Variants in KDM4C observed in about 807,000 individuals in gnomAD.
The protein encoded by KDM4C is lysine-specific demethylase 4C.
KDM4C carries 81 observed loss-of-function variants against 129.3 expected under a neutral mutation model. The observed-to-expected ratio is 0.63, with a 90% CI of 0.52 to 0.75. The LOEUF is 0.75. Ranked by LOEUF, KDM4C falls within the 30% of genes least tolerant of loss-of-function variation. The pLI is 0.00. For missense variants in KDM4C, 1,457 were observed against 1,304.0 expected (o/e 1.12, Z -1.81); for synonymous variants, 573 against 456.1 (o/e 1.26, Z -3.26).
At chr9:6,901,915 A>G (rs1817477156) in intron 8 of KDM4C, among the ~76,000 whole-genome samples, 1 of 152,204 alleles carries the variant, frequency 6.6e-6, no homozygotes, top group Non-Finnish European at 1.5e-5. Context: ...TCTGTGGAAC[A>G]TTATAAGTAT....
chr9:6,868,645 C>A (rs10975865), intron 5 of KDM4C, among the ~76,000 whole-genome samples: 29,464 of 151,872 alleles, frequency 0.19, 3,514 homozygotes, highest in Middle Eastern at 0.37. Flanking sequence ...TTAGGGAATA[C>A]TGACCAGAGA....
intron 1 of KDM4C, among the ~76,000 whole-genome samples, chr9:6,765,853 A>T (rs759352852): frequency 2.6e-5 from 4 of 151,234 alleles, no homozygotes; most frequent in African/African-American, 4.9e-5. Flanking sequence ...CAGTGGTGTG[A>T]TCTCGGCTCA....
At chr9:7,020,464 TTTGA>T (rs1433305781) in intron 15 of KDM4C, among the ~76,000 whole-genome samples, 3 of 152,356 alleles carry the variant, frequency 2.0e-5, no homozygotes, top group Admixed American at 2.0e-4. Context: ...TTCAGCTCTG[TTTGA>T]TTGAAACCCT....
chr9:6,904,136 G>T (rs1284349575), intron 8 of KDM4C, among the ~76,000 whole-genome samples: 3 of 152,064 alleles, frequency 2.0e-5, no homozygotes, highest in Non-Finnish European at 4.4e-5. Flanking sequence ...CTACTTGGGA[G>T]GCTGAGGCAG....
intron 8 of KDM4C, among the ~76,000 whole-genome samples, chr9:6,913,285 A>G (rs551625169): frequency 1.3e-4 from 20 of 152,056 alleles, no homozygotes; most frequent in Non-Finnish European, 2.5e-4. Context: ...AATGTTTCCT[A>G]GTATTAAAAT....
upstream of KDM4C, chr9:6,757,605 C>T (rs1005771198): frequency 4.1e-6 from 4 of 984,152 alleles, no homozygotes; most frequent in Admixed American, 6.1e-5. Flanking sequence ...GGCTCCACCC[C>T]GGTAACGCCA....
chr9:7,114,644 A>G (rs761624618), intron 18 of KDM4C, among the ~76,000 whole-genome samples: 1 of 152,310 alleles, frequency 6.6e-6, no homozygotes, highest in East Asian at 1.9e-4. Flanking sequence ...ATTTTGGTGT[A>G]GGTGTTTGGT....
At chr9:7,056,425 T>C (rs1364811612) in intron 17 of KDM4C, among the ~76,000 whole-genome samples, 6 of 152,272 alleles carry the variant, frequency 3.9e-5, no homozygotes, top group African/African-American at 1.4e-4. Flanking sequence ...CTAGATCCTA[T>C]TGCAAGCTGT....
intron 19 of KDM4C, among the ~76,000 whole-genome samples, chr9:7,129,968 G>A (rs921624247): frequency 5.3e-5 from 8 of 152,140 alleles, no homozygotes; most frequent in African/African-American, 1.7e-4. Context: ...CATGTAATCC[G>A]TCTCTAGAAC....
chr9:7,154,245 G>C (rs544656021), intron 19 of KDM4C, among the ~76,000 whole-genome samples: 15 of 152,300 alleles, frequency 9.8e-5, no homozygotes, highest in South Asian at 6.2e-4. Flanking sequence ...TCCCTGCCAG[G>C]GTCCAGTAAT....
At chr9:6,921,075 T>G (rs552537077) in intron 8 of KDM4C, among the ~76,000 whole-genome samples, 1 of 152,330 alleles carries the variant, frequency 6.6e-6, no homozygotes, top group African/African-American at 2.4e-5. Flanking sequence ...CCGTCTGCCT[T>G]ACATGGTCTT....
chr9:7,111,849 C>G (rs922000609), intron 18 of KDM4C, among the ~76,000 whole-genome samples: 1 of 152,088 alleles, frequency 6.6e-6, no homozygotes, highest in Non-Finnish European at 1.5e-5. Flanking sequence ...CTCTCATCTT[C>G]AAGTTAGGGA....
chr9:6,758,306 C>A lies in KDM4C; in HGVS notation c.-18+103C>A. On this transcript the variant is annotated intron_variant, in intron 1 of 21. Transcript: ENST00000381309. This position sits in a 1 kb window ranked among gnomAD's most constrained non-coding sequence, Gnocchi z 4.6. ...CGTGGGGCACGGGGGTGCGGGCGTC[C>A]GGGCGAGCGGCGACGCTGGGGCAGA... 1.4e-6 allele frequency: 1 copy of A among 695,000 alleles called. No homozygotes were observed. Among genetic ancestry groups the A allele is most frequent in the Non-Finnish European group, 1.8e-6 (1 of 564,992 alleles). The allele number at this position is 695,000 out of a possible 1,614,324, so 43.1% of individuals were successfully genotyped here. A position where few individuals can be genotyped will look rare whatever the true frequency, so the allele number is the denominator to read the frequency against.
At chr9:7,130,843 T>C (rs1174893642) in intron 19 of KDM4C, among the ~76,000 whole-genome samples, 1 of 152,016 alleles carries the variant, frequency 6.6e-6, no homozygotes, top group Non-Finnish European at 1.5e-5. Context: ...ACTGCAGCCT[T>C]GTGCTCCTGG....
chr9:7,065,995 A>T (rs549154517), intron 17 of KDM4C, among the ~76,000 whole-genome samples: 141 of 23,712 alleles, frequency 5.9e-3, no homozygotes, highest in African/African-American at 0.013. Context: ...TAACAGCTTT[A>T]AAAAAAAAAA....
At chr9:6,928,673 C>T (rs922523420) in intron 8 of KDM4C, among the ~76,000 whole-genome samples, 8 of 151,376 alleles carry the variant, frequency 5.3e-5, no homozygotes, top group Non-Finnish European at 4.4e-5. Flanking sequence ...TTGTTATTGT[C>T]GTGCCCGTTA....
chr9:6,913,589 C>G (rs796648161), intron 8 of KDM4C, among the ~76,000 whole-genome samples: 9 of 152,306 alleles, frequency 5.9e-5, no homozygotes, highest in African/African-American at 1.7e-4. Context: ...GTGGACTTCA[C>G]TTGTCCTCCT....
Position 6,834,535 on chromosome 9 carries a change from C to T in KDM4C, c.436-14972C>T, listed in dbSNP as rs570354984. 12 of 676,202 alleles carry T rather than the reference C, an allele frequency of 1.8e-5. No individual in the cohort carries two copies. In the East Asian group the frequency reaches 2.5e-4, roughly 14 times the overall value. 41.9% of individuals were successfully genotyped at this position (676,202 alleles called of 1,614,324 possible). ...GCTGGCTTCGCAGGTGACGATGACCCCCGGCCGTCTTCCCCTTCATCGTGT... is the reference window on the plus strand; with the variant it reads ...GCTGGCTTCGCAGGTGACGATGACCTCCGGCCGTCTTCCCCTTCATCGTGT... On this transcript the variant is annotated intron_variant, in intron 4 of 21. Coordinates refer to ENST00000381309, the MANE Select transcript of KDM4C (RefSeq NM_015061.6).
At chr9:6,831,581 A>G (rs1203966060) in intron 4 of KDM4C, among the ~76,000 whole-genome samples, 2 of 152,054 alleles carry the variant, frequency 1.3e-5, no homozygotes, top group Non-Finnish European at 2.9e-5. Flanking sequence ...GACCTCAGGT[A>G]ATCCAGCCAA....
Sources: allele counts gnomAD v4.1 joint callset (sites outside exome capture counted in the v4.1 genomes callset), GRCh38; gene constraint gnomAD v4.1.1; non-coding constraint Gnocchi (gnomAD v3.1); transcripts MANE v1.5; gene names NCBI Gene and HGNC (gene_info 2026-07-23, HGNC 2026-07-21).